Variants in TASP1 observed in about 807,000 individuals in gnomAD.
TASP1 encodes taspase 1, also known as threonine aspartase 1.
In TASP1, 16 loss-of-function variants were observed where a neutral mutation model predicts 56.6. The ratio of observed to expected loss-of-function variants is 0.28; its 90% CI spans 0.19 to 0.43. TASP1 has a LOEUF of 0.43. Among genes scored for constraint, TASP1 ranks in the 20% least tolerant of loss-of-function variants. The pLI is 1.00. For synonymous variants in TASP1, 179 were observed against 184.2 expected (o/e 0.97, Z 0.23); for missense variants, 393 against 511.6 (o/e 0.77, Z 2.24).
chr20:13,371,349 G>A, the TASP1 span, among the ~76,000 whole-genome samples: 2 of 152,066 alleles, frequency 1.3e-5, no homozygotes, highest in African/African-American at 4.8e-5. Flanking sequence ...GTTTTGGTAT[G>A]TTGTGTCTTT....
chr20:13,323,630 A>C, the TASP1 span, among the ~76,000 whole-genome samples: 1 of 152,198 alleles, frequency 6.6e-6, no homozygotes, highest in Admixed American at 6.5e-5. Flanking sequence ...ATACGACTAT[A>C]ATTCTCATTT....
chr20:13,580,975 T>C lies in TASP1; in HGVS notation c.410A>G (p.Lys137Arg). 1 of 1,596,928 alleles carries C rather than the reference T, an allele frequency of 6.3e-7. No individual in the cohort carries two copies. Among genetic ancestry groups the C allele is most frequent in the Non-Finnish European group, 8.5e-7 (1 of 1,173,730 alleles). Residue 137 changes from lysine (K) to arginine (R), a missense_variant, in exon 6 of 14, where the codon AAG becomes AGG. Lys to Arg is a conservative substitution (Grantham distance 26). Transcript: ENST00000337743. ...FGAVGALSGIKNPVSVANRLL... is the reference protein window; with the variant it reads ...FGAVGALSGIRNPVSVANRLL... ...TCTGTTGGCAACCGAGACTGGGTTCTTGATTCCTATAAAAAAAAAAAAAAA... is the reference window on the plus strand; with the variant it reads ...TCTGTTGGCAACCGAGACTGGGTTCCTGATTCCTATAAAAAAAAAAAAAAA...
chr20:13,393,251 G>T, intron 13 of TASP1: 1 of 740,332 alleles, frequency 1.4e-6, no homozygotes. Context: ...GCCCCTCCGG[G>T]AAACTGTGGC....
chr20:13,208,530 A>G, the TASP1 span, among the ~76,000 whole-genome samples: 20 of 152,204 alleles, frequency 1.3e-4, no homozygotes, highest in African/African-American at 4.8e-4. Flanking sequence ...GCACCTGTAT[A>G]AGTCTTCCTA....
chr20:13,440,004 A>G (rs2043159727), intron 11 of TASP1, among the ~76,000 whole-genome samples: 1 of 152,206 alleles, frequency 6.6e-6, no homozygotes, highest in African/African-American at 2.4e-5. Context: ...ATATTAAAAT[A>G]CTAAGAAAGG....
the TASP1 span, among the ~76,000 whole-genome samples, chr20:13,286,222 C>A: frequency 6.6e-6 from 1 of 151,974 alleles, no homozygotes; most frequent in Non-Finnish European, 1.5e-5. Context: ...CCCGCTGCAC[C>A]TGGATGCTTC....
chr20:13,207,167 C>A, the TASP1 span, among the ~76,000 whole-genome samples: 1 of 152,170 alleles, frequency 6.6e-6, no homozygotes, highest in South Asian at 2.1e-4. Context: ...GGGTTGGTGA[C>A]CTAAGCTGGG....
At chr20:13,356,349 C>A in the TASP1 span, among the ~76,000 whole-genome samples, 35,573 of 151,962 alleles carry the variant, frequency 0.23, 5,508 homozygotes, top group African/African-American at 0.44. Flanking sequence ...TTCAGCATGG[C>A]AATGTCAGGG....
intron 8 of TASP1, among the ~76,000 whole-genome samples, chr20:13,554,794 T>G (rs1164671808): frequency 6.6e-6 from 1 of 152,224 alleles, no homozygotes; most frequent in Non-Finnish European, 1.5e-5. Flanking sequence ...TAAAAAATGT[T>G]ACTCATCTGA....
At chr20:13,188,821 T>C in the TASP1 span, among the ~76,000 whole-genome samples, 2 of 152,362 alleles carry the variant, frequency 1.3e-5, no homozygotes, top group Non-Finnish European at 2.9e-5. Flanking sequence ...TGAGTCCTCA[T>C]GGATGAACTG....
the TASP1 span, among the ~76,000 whole-genome samples, chr20:13,145,660 A>G: frequency 6.6e-6 from 1 of 152,228 alleles, no homozygotes; most frequent in Non-Finnish European, 1.5e-5. Flanking sequence ...ATATGGAACC[A>G]AAAAAGAGCA....
chr20:13,301,655 C>T, the TASP1 span, among the ~76,000 whole-genome samples: 6 of 151,970 alleles, frequency 3.9e-5, no homozygotes, highest in African/African-American at 7.2e-5. Context: ...TCAATGCGTC[C>T]GTGTATCAGG....
chr20:13,339,777 T>C, the TASP1 span, among the ~76,000 whole-genome samples: 26,052 of 151,796 alleles, frequency 0.17, 3,043 homozygotes, highest in African/African-American at 0.33. Context: ...TTGGTTTAGA[T>C]GATGAGAGGA....
intron 13 of TASP1, 44 bp downstream of exon 13, chr20:13,417,404 A>T (rs1203067135): frequency 6.2e-7 from 1 of 1,608,326 alleles, no homozygotes; most frequent in East Asian, 2.2e-5. Context: ...GGTTTATGCG[A>T]TGGCTACAAG....
chr20:13,459,500 T>C (rs961458809), intron 11 of TASP1, among the ~76,000 whole-genome samples: 2 of 152,166 alleles, frequency 1.3e-5, no homozygotes, highest in African/African-American at 2.4e-5. Context: ...ACTCCATGCC[T>C]GCACCCATAA....
intron 8 of TASP1, among the ~76,000 whole-genome samples, chr20:13,553,560 A>C (rs1275435083): frequency 1.3e-5 from 2 of 152,206 alleles, no homozygotes; most frequent in African/African-American, 4.8e-5. Context: ...ACAAAAAAAT[A>C]AGCAAGGATG....
intron 6 of TASP1, among the ~76,000 whole-genome samples, chr20:13,575,566 C>T (rs1042038415): frequency 1.3e-5 from 2 of 152,152 alleles, no homozygotes; most frequent in East Asian, 1.9e-4. Flanking sequence ...CCAGCCATGT[C>T]GAACTGTGAG....
chr20:13,121,379 A>C, the TASP1 span, among the ~76,000 whole-genome samples: 1 of 152,046 alleles, frequency 6.6e-6, no homozygotes, highest in East Asian at 1.9e-4. Flanking sequence ...TGCCCTGCAC[A>C]CTAGGCCCTG....
At chr20:13,570,900 A>C (rs1042161627) in intron 6 of TASP1, among the ~76,000 whole-genome samples, 1 of 152,094 alleles carries the variant, frequency 6.6e-6, no homozygotes, top group African/African-American at 2.4e-5. Flanking sequence ...AAAACTGATA[A>C]AAGAAATAAT....
Sources: gnomAD v4.1 joint callset for allele counts (sites outside exome capture counted in the v4.1 genomes callset) on GRCh38, gnomAD v4.1.1 for gene constraint, MANE v1.5 for transcripts, NCBI Gene and HGNC (gene_info 2026-07-23, HGNC 2026-07-21) for gene names.